The following CARMIL3 variants were observed in gnomAD, a reference collection of about 807,000 sequenced individuals.
CARMIL3 encodes the protein capping protein regulator and myosin 1 linker 3.
In CARMIL3, 88 loss-of-function variants were observed where a neutral mutation model predicts 180.8. The ratio of observed to expected loss-of-function variants is 0.49; its 90% CI spans 0.41 to 0.58. CARMIL3 has a LOEUF of 0.58. CARMIL3 is among the 20% of genes least tolerant of loss of function. The pLI, the probability that CARMIL3 is intolerant of heterozygous loss-of-function variation, is 0.00. For missense variants in CARMIL3, 1,548 were observed against 1,787.0 expected (o/e 0.87, Z 2.41); for synonymous variants, 696 against 714.5 (o/e 0.97, Z 0.41).
Position 24,057,185 on chromosome 14 carries a change from G to A in CARMIL3, c.1081G>A (p.Ala361Thr). 6.2e-7 allele frequency: 1 copy of A among 1,613,886 alleles called. No individual in the cohort carries two copies. The highest frequency in any genetic ancestry group is 1.1e-5 in the South Asian group (1 of 91,046). ...DEANALYSFL[A>T]QPNALVHLDL... ...ACTCCAGGCCCTCTACAGTTTCCTG[G>A]CCCAACCCAACGCCCTGGTGCACCT... is the stretch of plus-strand genomic sequence containing the variant. The change falls in exon 14 of 40, where the codon GCC (alanine) becomes ACC (threonine). Residue 361 changes from alanine to threonine, a missense_variant. Around this residue, in one of 4 missense-constraint regions of CARMIL3, gnomAD observed 578 missense variants for 666.5 expected, o/e 0.87. Transcript: ENST00000342740.
intron 10 of CARMIL3, among the ~76,000 whole-genome samples, 192 bp downstream of exon 10, chr14:24,055,981 C>T (rs535746318): frequency 1.6e-4 from 25 of 152,292 alleles, no homozygotes; most frequent in East Asian, 5.8e-4. Context: ...AGCCTCCTGA[C>T]GCCCAGCTCC....
intron 1 of CARMIL3, among the ~76,000 whole-genome samples, 175 bp downstream of exon 1, chr14:24,052,368 G>A (rs1221498568): frequency 3.9e-5 from 6 of 152,162 alleles, no homozygotes; most frequent in Non-Finnish European, 7.4e-5. Flanking sequence ...AGCATCCTCC[G>A]CTGCCTGCCT....
intron 11 of CARMIL3, 71 bp downstream of exon 11, chr14:24,056,464 T>A: frequency 6.6e-7 from 1 of 1,525,756 alleles, no homozygotes; most frequent in East Asian, 2.3e-5. Flanking sequence ...CCCAACCAGG[T>A]CTGAACAGCA....
At position 24,060,197 on chromosome 14, in the gene CARMIL3, G is replaced by T. The variant is rs1233462227; in HGVS notation, c.2003G>T (p.Cys668Phe). The stretch of plus-strand genomic sequence containing the variant: ...GTGAGGAACAACCACTCCCAGACGT[G>T]CCCCCAGGAGCAGGCCTTCAGGTTG... ...CLVRNNHSQT[C>F]PQEQAFRLQQ... The change falls in exon 24 of 40, where the codon TGC becomes TTC. Residue 668 changes from cysteine to phenylalanine, a missense_variant. This residue lies in a region of CARMIL3 where 297 missense variants were observed against 415.9 expected (regional missense o/e 0.71). Coordinates refer to ENST00000342740, the MANE Select transcript of CARMIL3 (RefSeq NM_138360.4). The T allele has an allele frequency of 6.2e-7, 1 of 1,614,178 alleles. No individual in the cohort carries two copies. The highest frequency in any genetic ancestry group is 8.5e-7 in the Non-Finnish European group (1 of 1,180,038).
rs374694174 is a variant in CARMIL3, at chr14:24,058,785, C to G, written c.1474+24C>G. ...TGGTGAGTAGTGGTTCCTCCCTTCC[C>G]TGGGGCCAGGGGAGAACAGGGGCCT... On this transcript the variant is annotated intron_variant, in intron 18 of 39. Transcript: ENST00000342740. This position sits in a 1 kb window ranked among gnomAD's most constrained non-coding sequence, Gnocchi z 6.4. 7 of 1,613,710 alleles carry G rather than the reference C, an allele frequency of 4.3e-6. No individual in the cohort carries two copies. The African/African-American group carries it at 8.0e-5, about 18-fold the overall frequency.
intron 31 of CARMIL3, among the ~76,000 whole-genome samples, 146 bp from the exon 32 acceptor site, chr14:24,064,093 CAAAAAAA>C (rs564964326): frequency 4.7e-5 from 3 of 64,180 alleles, no homozygotes; most frequent in African/African-American, 1.2e-4. Context: ...GACTCCGTCT[CAAAAAAA>C]AAAAAAAAAA....
intron 28 of CARMIL3, 22 bp from the exon 29 acceptor site, chr14:24,062,687 G>T (rs760079317): frequency 1.2e-6 from 2 of 1,609,286 alleles, no homozygotes; most frequent in South Asian, 2.2e-5. Flanking sequence ...ATGGAATTCT[G>T]TTCACACCTG....
At position 24,061,299 on chromosome 14, in the gene CARMIL3, T is replaced by A. The variant is rs2035730878; in HGVS notation, c.2305-198T>A. The A allele has an allele frequency of 3.1e-6, 2 of 642,864 alleles. No individual in the cohort carries two copies. Among genetic ancestry groups the A allele is most frequent in the Non-Finnish European group, 5.3e-6 (2 of 376,164 alleles). The allele number at this position is 642,864 out of a possible 1,614,324, so 39.8% of individuals were successfully genotyped here. On this transcript the variant is annotated intron_variant, in intron 26 of 39. Coordinates refer to ENST00000342740, the MANE Select transcript of CARMIL3 (RefSeq NM_138360.4). The surrounding 1 kb of genome is among the most constrained non-coding windows in gnomAD (Gnocchi z 4.1). Reference sequence around the variant, plus strand: ...TCCTTGGACTGACTGCCCCTGTCTGTATGGTAGGGTGGAAGGAGCACTGAC... The same window carrying A: ...TCCTTGGACTGACTGCCCCTGTCTGAATGGTAGGGTGGAAGGAGCACTGAC...
At position 24,069,571 on chromosome 14, in the gene CARMIL3, A is replaced by AGGTGGCT; in HGVS notation, c.*167_*168insGGTGGCT. The AGGTGGCT allele has an allele frequency of 1.3e-6, 1 of 774,454 alleles. No individual in the cohort carries two copies. The highest frequency in any genetic ancestry group is 2.0e-6 in the Non-Finnish European group (1 of 490,284). The allele number at this position is 774,454 out of a possible 1,614,324, so 48.0% of individuals were successfully genotyped here. On this transcript the variant is annotated 3_prime_UTR_variant, in exon 40 of 40. Transcript: ENST00000342740. ...GGCAGGGACTAGAACAGAGGGAGCC[A>AGGTGGCT]CCTGGAGAGACGGAGGCTGTCAGTG...
chr14:24,055,190 T>C, intron 7 of CARMIL3, 47 bp from the exon 8 acceptor site: 1 of 1,613,818 alleles, frequency 6.2e-7, no homozygotes, highest in South Asian at 1.1e-5. Context: ...GGGAAGGGGC[T>C]AAGAAGGAAG....
At chr14:24,053,091 GT>G (rs1339389955) in intron 1 of CARMIL3, among the ~76,000 whole-genome samples, 3 of 152,104 alleles carry the variant, frequency 2.0e-5, no homozygotes, top group Non-Finnish European at 2.9e-5. Flanking sequence ...CTATATCTGG[GT>G]GGTTCTGCCA....
Position 24,059,399 on chromosome 14 carries a change from G to C in CARMIL3, c.1756G>C (p.Ala586Pro), listed in dbSNP as rs769838456. 1.9e-6 allele frequency: 3 copies of C among 1,604,818 alleles called. No individual in the cohort carries two copies. Among genetic ancestry groups the C allele is most frequent in the Admixed American group, 1.7e-5 (1 of 58,648 alleles). Residue 586 changes from alanine to proline, a missense_variant, in exon 21 of 40, where the codon GCC (alanine) becomes CCC (proline). Ala to Pro is a conservative substitution (Grantham distance 27). This residue lies in a region of CARMIL3 where 297 missense variants were observed against 415.9 expected (regional missense o/e 0.71). Coordinates refer to ENST00000342740, the MANE Select transcript of CARMIL3 (RefSeq NM_138360.4). The surrounding 1 kb of genome is among the most constrained non-coding windows in gnomAD (Gnocchi z 6.3). ...LSGNGMEDIGAKMLSKALQIN... is the reference protein window; with the variant it reads ...LSGNGMEDIGPKMLSKALQIN... The stretch of plus-strand genomic sequence containing the variant: ...CGGCAATGGCATGGAGGACATCGGG[G>C]CCAAGATGCTGTCTAAGGCCCTGCA...
intron 32 of CARMIL3, among the ~76,000 whole-genome samples, chr14:24,064,594 G>A (rs1283506716): frequency 6.6e-6 from 1 of 152,188 alleles, no homozygotes; most frequent in Non-Finnish European, 1.5e-5. Flanking sequence ...GAGCAGGTGT[G>A]GATGAGAGGG....
chr14:24,053,223 A>C (rs960818032), intron 1 of CARMIL3, among the ~76,000 whole-genome samples: 1 of 151,832 alleles, frequency 6.6e-6, no homozygotes, highest in African/African-American at 2.4e-5. Context: ...TGTCCCCACC[A>C]ATGCCACACT....
At position 24,062,852 on chromosome 14, in the gene CARMIL3, C is replaced by T; in HGVS notation, c.2706+6C>T. On this transcript the variant is annotated splice_donor_region_variant and intron_variant, in intron 29 of 39. Transcript: ENST00000342740. ...ATGAACTTGGGACCAACATTGTGAG[C>T]CCCCCGCTCCCTGCTCCTCCTTAAT... 2 of 1,597,772 alleles carry T rather than the reference C, an allele frequency of 1.3e-6. No individual in the cohort carries two copies. The highest frequency in any genetic ancestry group is 1.1e-5 in the South Asian group (1 of 87,992).
rs1285052297 is a variant in CARMIL3, at chr14:24,062,527, A to T, written c.2528A>T (p.Asp843Val). 2 of 1,614,100 alleles carry T rather than the reference A, an allele frequency of 1.2e-6. No individual in the cohort carries two copies. Among genetic ancestry groups the T allele is most frequent in the Non-Finnish European group, 8.5e-7 (1 of 1,180,042 alleles). The change falls in exon 28 of 40, where the codon GAT (aspartate) becomes GTT (valine). Residue 843 changes from aspartate to valine, a missense_variant. Physicochemically the swap from Asp to Val is radical, Grantham distance 152. Transcript: ENST00000342740. ...ACCTACCTAACCAGCTCCATAGTGG[A>T]TGAGATCCTGCAAGAGCTCTACCAT... The part of the protein sequence containing the change: ...VVTYLTSSIV[D>V]EILQELYHSH...
Position 24,061,932 on chromosome 14 carries a change from AT to A in CARMIL3, c.2480+261del. On this transcript the variant is annotated intron_variant, in intron 27 of 39. Transcript: ENST00000342740. The surrounding 1 kb of genome is among the most constrained non-coding windows in gnomAD (Gnocchi z 4.1). ...ACATACCCACACAAATACACCAGGA[AT>A]GGGATAGCAGGGCCTCCTCGGAGGC... 2.3e-6 allele frequency: 1 copy of A among 442,040 alleles called. No homozygotes were observed. Among genetic ancestry groups the A allele is most frequent in the Non-Finnish European group, 4.0e-6 (1 of 247,930 alleles). The allele number at this position is 442,040 out of a possible 1,614,324, so 27.4% of individuals were successfully genotyped here.
Position 24,061,720 on chromosome 14 carries a change from T to A in CARMIL3, c.2480+48T>A. On this transcript the variant is annotated intron_variant, in intron 27 of 39. Coordinates refer to ENST00000342740, the MANE Select transcript of CARMIL3 (RefSeq NM_138360.4). This position sits in a 1 kb window ranked among gnomAD's most constrained non-coding sequence, Gnocchi z 4.1. ...GGGGCTGAGCTGGATTTGGCCCAGATCACTTAGGGACTTAGGACTGGAGAG... is the reference window on the plus strand; with the variant it reads ...GGGGCTGAGCTGGATTTGGCCCAGAACACTTAGGGACTTAGGACTGGAGAG... The A allele has an allele frequency of 6.3e-7, 1 of 1,584,228 alleles. No homozygotes were observed. The highest frequency in any genetic ancestry group is 8.6e-7 in the Non-Finnish European group (1 of 1,160,440).
In CARMIL3 at chr14:24,054,816, G is replaced by A; in HGVS notation, c.460+8G>A. On this transcript the variant is annotated splice_region_variant and intron_variant, in intron 6 of 39. Transcript: ENST00000342740. This position sits in a 1 kb window ranked among gnomAD's most constrained non-coding sequence, Gnocchi z 5.1. ...CCACCCACAGTGTCTGCGGTGAGCA[G>A]GGGCAGATGTGAGGAAAGTAGGCGC... The A allele has an allele frequency of 6.2e-7, 1 of 1,612,140 alleles. No individual in the cohort carries two copies. Among genetic ancestry groups the A allele is most frequent in the Non-Finnish European group, 8.5e-7 (1 of 1,178,588 alleles).
Sources: gnomAD v4.1 joint callset for allele counts (sites outside exome capture counted in the v4.1 genomes callset) on GRCh38, gnomAD v4.1.1 for gene constraint, gnomAD v4.1.1 regional missense constraint, Gnocchi (gnomAD v3.1) non-coding constraint, MANE v1.5 for transcripts, NCBI Gene and HGNC (gene_info 2026-07-23, HGNC 2026-07-21) for gene names.